The following C8orf34 variants were observed in gnomAD, a reference collection of about 807,000 sequenced individuals.
C8orf34 encodes the protein uncharacterized protein C8orf34.
C8orf34 carries 65 observed loss-of-function variants against 68.3 expected under a neutral mutation model. That is an observed-to-expected ratio of 0.95 (90% CI 0.78 to 1.17). C8orf34 has a LOEUF of 1.17. Among genes scored for constraint, C8orf34 ranks in the 50% most tolerant of loss-of-function variants. The pLI is 0.00. For synonymous variants in C8orf34, 244 were observed against 241.2 expected (o/e 1.01, Z -0.11); for missense variants, 664 against 655.4 (o/e 1.01, Z -0.14).
At chr8:68,390,543 T>A (rs2129620635) in intron 1 of C8orf34, among the ~76,000 whole-genome samples, 1 of 152,262 alleles carries the variant, frequency 6.6e-6, no homozygotes, top group Non-Finnish European at 1.5e-5. Flanking sequence ...TAGAACAGAC[T>A]CTTTCTTTCC....
chr8:68,349,819 A>G (rs1172816436), intron 1 of C8orf34, among the ~76,000 whole-genome samples: 1 of 150,876 alleles, frequency 6.6e-6, no homozygotes, highest in East Asian at 1.9e-4. Flanking sequence ...TCCCTTCATC[A>G]TTTCTTATTA....
At chr8:68,640,831 C>A (rs1818984788) in intron 8 of C8orf34, among the ~76,000 whole-genome samples, 1 of 152,202 alleles carries the variant, frequency 6.6e-6, no homozygotes, top group Non-Finnish European at 1.5e-5. Flanking sequence ...ACATTCAAAG[C>A]CACTTTTAAA....
intron 8 of C8orf34, among the ~76,000 whole-genome samples, chr8:68,699,418 T>A (rs1163108012): frequency 1.3e-5 from 2 of 152,102 alleles, no homozygotes; most frequent in African/African-American, 4.8e-5. Context: ...CTCCTGGAGT[T>A]TCCTTAGCTC....
At chr8:68,753,442 A>G (rs1470885968) in intron 10 of C8orf34, among the ~76,000 whole-genome samples, 2 of 152,248 alleles carry the variant, frequency 1.3e-5, no homozygotes, top group Non-Finnish European at 2.9e-5. Context: ...AAAACCATTA[A>G]GTAAATTGTA....
intron 1 of C8orf34, among the ~76,000 whole-genome samples, chr8:68,382,868 A>G (rs1181191903): frequency 3.9e-5 from 6 of 152,118 alleles, no homozygotes; most frequent in Non-Finnish European, 5.9e-5. Flanking sequence ...TTATATTTAT[A>G]TTTATATCAT....
chr8:68,558,271 T>C (rs1388751940), intron 7 of C8orf34, among the ~76,000 whole-genome samples: 1 of 152,182 alleles, frequency 6.6e-6, no homozygotes, highest in Non-Finnish European at 1.5e-5. Flanking sequence ...ATTTTAAGAA[T>C]AGCATTGGAG....
At chr8:68,625,288 G>A (rs1269110643) in intron 7 of C8orf34, among the ~76,000 whole-genome samples, 1 of 152,114 alleles carries the variant, frequency 6.6e-6, no homozygotes, top group Non-Finnish European at 1.5e-5. Context: ...ATATTATGTA[G>A]CTAATTGATA....
At chr8:68,362,447 C>G (rs1807043462) in intron 1 of C8orf34, among the ~76,000 whole-genome samples, 1 of 152,182 alleles carries the variant, frequency 6.6e-6, no homozygotes, top group African/African-American at 2.4e-5. Flanking sequence ...AGGAACAGCT[C>G]CAGTCTACAG....
chr8:68,774,327 G>GTATATATATATATATA lies in C8orf34; in HGVS notation c.1405-2071_1405-2070insATATATATATATATAT, dbSNP rs1332535200. On this transcript the variant is annotated intron_variant, in intron 10 of 13. Coordinates refer to ENST00000518698, the MANE Select transcript of C8orf34 (RefSeq NM_052958.4). ...TATCTATGTATAAAAATATGGGTGT[G>GTATATATATATATATA]TGTGTATATATATATATATATAAAA... Among the ~76,000 whole-genome samples, 223 of 96,052 alleles carry GTATATATATATATATA rather than the reference G, an allele frequency of 2.3e-3. 12 individuals are homozygous for GTATATATATATATATA. Among genetic ancestry groups the GTATATATATATATATA allele is most frequent in the African/African-American group, 8.3e-3 (178 of 21,534 alleles). The allele number at this position is 96,052 out of a possible 152,430, so 63.0% of individuals were successfully genotyped here.
chr8:68,368,436 G>C (rs72664912), intron 1 of C8orf34, among the ~76,000 whole-genome samples: 5,877 of 151,990 alleles, frequency 0.039, 361 homozygotes, highest in African/African-American at 0.13. Flanking sequence ...AAAAATGACA[G>C]TTTTTGTTTC....
intron 5 of C8orf34, among the ~76,000 whole-genome samples, chr8:68,498,212 AC>A (rs1813615568): frequency 6.6e-6 from 1 of 152,196 alleles, no homozygotes; most frequent in South Asian, 2.1e-4. Flanking sequence ...ATATGCACAC[AC>A]ATCAAATTGT....
At chr8:68,755,572 A>C (rs1211813648) in intron 10 of C8orf34, among the ~76,000 whole-genome samples, 2 of 152,176 alleles carry the variant, frequency 1.3e-5, no homozygotes, top group African/African-American at 4.8e-5. Context: ...TTACACAGCC[A>C]GGGAAGAGCA....
At chr8:68,440,809 ATT>A in intron 2 of C8orf34, among the ~76,000 whole-genome samples, 1 of 146,584 alleles carries the variant, frequency 6.8e-6, no homozygotes, top group East Asian at 2.0e-4. Context: ...TAAACTCTGC[ATT>A]TTTTTTTTTT....
intron 1 of C8orf34, among the ~76,000 whole-genome samples, chr8:68,420,435 C>G (rs1166717449): frequency 6.6e-6 from 1 of 152,046 alleles, no homozygotes; most frequent in Admixed American, 6.6e-5. Context: ...TTAGCATCCA[C>G]AGGTACCAGG....
intron 10 of C8orf34, among the ~76,000 whole-genome samples, chr8:68,746,913 C>T (rs1214929148): frequency 4.6e-5 from 7 of 152,002 alleles, no homozygotes; most frequent in Admixed American, 6.6e-5. Context: ...ATACCAAAGC[C>T]GGACAGAGAC....
chr8:68,516,650 T>C (rs919812048), intron 5 of C8orf34, among the ~76,000 whole-genome samples: 2 of 112,174 alleles, frequency 1.8e-5, no homozygotes, highest in South Asian at 5.1e-4. Context: ...TTATTTATTT[T>C]TTATTTATTT....
chr8:68,679,603 C>G (rs1192175605), intron 8 of C8orf34, among the ~76,000 whole-genome samples: 1 of 151,972 alleles, frequency 6.6e-6, no homozygotes, highest in Admixed American at 6.6e-5. Context: ...ACAAAAGACC[C>G]AGAATAGCCA....
intron 3 of C8orf34, among the ~76,000 whole-genome samples, chr8:68,460,391 A>G (rs1811753732): frequency 6.6e-6 from 1 of 152,184 alleles, no homozygotes; most frequent in Non-Finnish European, 1.5e-5. Flanking sequence ...GACAGCAGTA[A>G]CCTCTGCAGA....
chr8:68,482,341 C>G (rs1188914771), intron 4 of C8orf34, among the ~76,000 whole-genome samples: 1 of 152,194 alleles, frequency 6.6e-6, no homozygotes, highest in African/African-American at 2.4e-5. Context: ...TGAAAACAAA[C>G]TAATACACCA....
Sources: gnomAD v4.1 joint callset for allele counts (sites outside exome capture counted in the v4.1 genomes callset) on GRCh38, gnomAD v4.1.1 for gene constraint, MANE v1.5 for transcripts, NCBI Gene and HGNC (gene_info 2026-07-23, HGNC 2026-07-21) for gene names.